Variants in GDAP1L1 observed in about 807,000 individuals in gnomAD.
GDAP1L1 encodes the protein ganglioside induced differentiation associated protein 1 like 1.
GDAP1L1 carries 21 observed loss-of-function variants against 37.1 expected under a neutral mutation model. The ratio of observed to expected loss-of-function variants is 0.57; its 90% CI spans 0.40 to 0.81. GDAP1L1 has a LOEUF of 0.81. GDAP1L1 is among the 40% of genes least tolerant of loss of function. The pLI is 0.00. For missense variants in GDAP1L1, 362 were observed against 491.6 expected, an observed-to-expected ratio of 0.74 and a Z score of 2.49; for synonymous variants, 193 against 209.1, an observed-to-expected ratio of 0.92 and a Z score of 0.67.
intron 5 of GDAP1L1, among the ~76,000 whole-genome samples, chr20:44,273,408 A>G (rs1189490195): frequency 6.6e-6 from 1 of 152,128 alleles, no homozygotes; most frequent in East Asian, 1.9e-4. Context: ...CCTTGCTGGT[A>G]TCATGCAGTC....
intron 5 of GDAP1L1, among the ~76,000 whole-genome samples, chr20:44,277,556 C>T (rs1203940700): frequency 6.6e-6 from 1 of 152,112 alleles, no homozygotes; most frequent in Non-Finnish European, 1.5e-5. Flanking sequence ...GGAGGGTTTC[C>T]GCTTTTACTC....
intron 5 of GDAP1L1, among the ~76,000 whole-genome samples, chr20:44,271,519 T>C (rs2062515438): frequency 6.6e-6 from 1 of 152,144 alleles, no homozygotes; most frequent in Non-Finnish European, 1.5e-5. Flanking sequence ...AGCATTTCAC[T>C]GCAACCTGGG....
At chr20:44,269,106 T>C (rs2062486429) in intron 5 of GDAP1L1, among the ~76,000 whole-genome samples, 2 of 152,200 alleles carry the variant, frequency 1.3e-5, no homozygotes, top group Admixed American at 6.5e-5. Flanking sequence ...CAGTAAATGT[T>C]GATTACTTTG....
intron 1 of GDAP1L1, among the ~76,000 whole-genome samples, chr20:44,255,450 G>T (rs2073519490): frequency 6.8e-6 from 1 of 146,460 alleles, no homozygotes; most frequent in South Asian, 2.2e-4. Context: ...GCTGAGGTAG[G>T]AGAATCGCTT....
At chr20:44,265,628 T>C (rs2073749981) in intron 5 of GDAP1L1, 1 of 390,874 alleles carries the variant, frequency 2.6e-6, no homozygotes, top group Admixed American at 6.4e-5. Context: ...ATCTATAAGA[T>C]GGGATGGTAA....
rs140470094 is a variant in GDAP1L1 at position 44,276,444 on chromosome 20, GA to G, written c.761-2510del. On this transcript the variant is annotated intron_variant, in intron 5 of 5. Coordinates refer to ENST00000342560, the MANE Select transcript of GDAP1L1 (RefSeq NM_024034.6). ...AGAAAGAAAGAAAGAAAGAAAGAAAGAAAGAAAGAAAGAAAGAAAGAAAAAG... is the reference window on the plus strand; with the variant it reads ...AGAAAGAAAGAAAGAAAGAAAGAAAGAAGAAAGAAAGAAAGAAAGAAAAAG... 5.4e-5 allele frequency among the ~76,000 whole-genome samples: 7 copies of G among 129,192 alleles called. No homozygotes were observed. The East Asian group carries it at 2.9e-3, about 53-fold the overall frequency. 84.8% of individuals were successfully genotyped at this position (129,192 alleles called of 152,430 possible). A position where few individuals can be genotyped will look rare whatever the true frequency, so the allele number is the denominator to read the frequency against.
rs2073352238 is a variant in GDAP1L1, at chr20:44,247,475, G to A, written c.141G>A (p.Leu47=). ...CCGCCCATTGGCCCAGGGAGAGCCT[G>A]GTTCTGTACCACTGGACCCAGTCCT... ...ASPAHWPRES[L]VLYHWTQSFS... The change falls in exon 1 of 6, where the codon CTG becomes CTA. Residue 47 remains leucine (L), a synonymous_variant. Coordinates refer to ENST00000342560, the MANE Select transcript of GDAP1L1 (RefSeq NM_024034.6). 2 of 1,594,136 alleles carry A rather than the reference G, an allele frequency of 1.3e-6. No homozygotes were observed.
chr20:44,262,811 G>C (rs1369839711), intron 3 of GDAP1L1, among the ~76,000 whole-genome samples: 2 of 152,014 alleles, frequency 1.3e-5, no homozygotes, highest in Non-Finnish European at 2.9e-5. Flanking sequence ...CGACCTCCCA[G>C]GCTCAAGCGA....
At chr20:44,248,791 C>T (rs1172796778) in intron 1 of GDAP1L1, among the ~76,000 whole-genome samples, 1 of 152,154 alleles carries the variant, frequency 6.6e-6, no homozygotes. Flanking sequence ...GCTGCCTTTC[C>T]AACAAGCGAC....
At chr20:44,257,986 C>T (rs2073594214) in intron 2 of GDAP1L1, among the ~76,000 whole-genome samples, 1 of 152,168 alleles carries the variant, frequency 6.6e-6, no homozygotes, top group African/African-American at 2.4e-5. Flanking sequence ...AGACCCCGTC[C>T]TCTCCCCTCG....
At chr20:44,269,055 G>C (rs1297084514) in intron 5 of GDAP1L1, among the ~76,000 whole-genome samples, 2 of 152,098 alleles carry the variant, frequency 1.3e-5, no homozygotes, top group Non-Finnish European at 2.9e-5. Flanking sequence ...CATGGGGAGC[G>C]GCTGACCTCA....
chr20:44,247,500 T>C lies in GDAP1L1; in HGVS notation c.166T>C (p.Phe56Leu), dbSNP rs2073352805. Residue 56 changes from phenylalanine (F) to leucine (L), a missense_variant, in exon 1 of 6, where the codon TTC becomes CTC. Coordinates refer to ENST00000342560, the MANE Select transcript of GDAP1L1 (RefSeq NM_024034.6). ...GGTTCTGTACCACTGGACCCAGTCCTTCAGCTCGCAGAAGGTAGAGCCGGG... is the reference window on the plus strand; with the variant it reads ...GGTTCTGTACCACTGGACCCAGTCCCTCAGCTCGCAGAAGGTAGAGCCGGG... ...SLVLYHWTQS[F>L]SSQKVRLVIA... 2 of 1,533,736 alleles carry C rather than the reference T, an allele frequency of 1.3e-6. No homozygotes were observed. The highest frequency in any genetic ancestry group is 1.8e-6 in the Non-Finnish European group (2 of 1,138,666).
chr20:44,271,371 C>T (rs2062514086), intron 5 of GDAP1L1, among the ~76,000 whole-genome samples: 1 of 152,172 alleles, frequency 6.6e-6, no homozygotes, highest in South Asian at 2.1e-4. Flanking sequence ...GGAAGACCCA[C>T]ATGTTAGGAG....
At chr20:44,270,164 A>ATTTTT (rs397756226) in intron 5 of GDAP1L1, among the ~76,000 whole-genome samples, 20 of 100,576 alleles carry the variant, frequency 2.0e-4, no homozygotes, top group East Asian at 1.6e-3. Flanking sequence ...AGTGTCTTAA[A>ATTTTT]TTTTTTTTTT....
chr20:44,276,403 GAAAA>G (rs1280436191), intron 5 of GDAP1L1, among the ~76,000 whole-genome samples: 7 of 43,762 alleles, frequency 1.6e-4, no homozygotes, highest in African/African-American at 7.0e-4. Flanking sequence ...GAAAGGGAAA[GAAAA>G]AAGAAAAAGA....
intron 1 of GDAP1L1, among the ~76,000 whole-genome samples, chr20:44,256,282 G>A (rs781670499): frequency 2.0e-5 from 3 of 152,176 alleles, no homozygotes; most frequent in Non-Finnish European, 4.4e-5. Flanking sequence ...GTGTTTGGGG[G>A]AAATAAAGGG....
chr20:44,247,192 C>G (rs1228567065), upstream of GDAP1L1: 4 of 834,224 alleles, frequency 4.8e-6, no homozygotes, highest in East Asian at 8.2e-5. Context: ...GCCCCCTCCC[C>G]CAACTGCCCG....
At chr20:44,254,570 C>T (rs2073504420) in intron 1 of GDAP1L1, among the ~76,000 whole-genome samples, 1 of 152,212 alleles carries the variant, frequency 6.6e-6, no homozygotes, top group African/African-American at 2.4e-5. Flanking sequence ...ACACTGAATC[C>T]AGCCCCCTTG....
chr20:44,256,272 G>A (rs78391560), intron 1 of GDAP1L1, among the ~76,000 whole-genome samples: 5,776 of 152,278 alleles, frequency 0.038, 165 homozygotes, highest in Non-Finnish European at 0.057. Flanking sequence ...ACCAGATGAG[G>A]TGTTTGGGGG....
Sources: gnomAD v4.1 joint callset for allele counts (sites outside exome capture counted in the v4.1 genomes callset) on GRCh38, gnomAD v4.1.1 for gene constraint, MANE v1.5 for transcripts, NCBI Gene and HGNC (gene_info 2026-07-23, HGNC 2026-07-21) for gene names.